The following TRIO variants were observed in gnomAD, a reference collection of about 807,000 sequenced individuals.
TRIO encodes the protein trio Rho guanine nucleotide exchange factor, also known as triple functional domain protein.
TRIO carries 58 observed loss-of-function variants against 351.9 expected under a neutral mutation model. The ratio of observed to expected loss-of-function variants is 0.16; its 90% confidence interval spans 0.13 to 0.21. The LOEUF (loss-of-function observed/expected upper bound fraction) is 0.21. TRIO is among the 10% of genes least tolerant of loss of function. The pLI, the probability that TRIO is intolerant of heterozygous loss-of-function variation, is 1.00. For synonymous variants in TRIO, 1,758 were observed against 1,595.7 expected, an observed-to-expected ratio of 1.10 and a Z score of -2.42; for missense variants, 3,201 against 4,027.8, an observed-to-expected ratio of 0.79 and a Z score of 5.56.
intron 16 of TRIO, 86 bp downstream of exon 16, chr5:14,367,065 G>A (rs1744663117): frequency 2.6e-6 from 4 of 1,558,824 alleles, no homozygotes; most frequent in African/African-American, 1.4e-5. Context: ...ACTGACCATG[G>A]GAACCACATG....
intron 8 of TRIO, among the ~76,000 whole-genome samples, chr5:14,306,501 G>A (rs1738381193): frequency 1.3e-5 from 2 of 152,304 alleles, no homozygotes; most frequent in South Asian, 2.1e-4. Flanking sequence ...AACACAGAAA[G>A]CAAATGACCC....
intron 1 of TRIO, among the ~76,000 whole-genome samples, chr5:14,223,157 C>T (rs377621505): frequency 1.3e-5 from 2 of 152,230 alleles, no homozygotes; most frequent in East Asian, 1.9e-4. Context: ...TGGGCAGTGG[C>T]AGAGAGTTAT....
At chr5:14,426,630 A>G (rs764280079) in intron 34 of TRIO, among the ~76,000 whole-genome samples, 1 of 152,246 alleles carries the variant, frequency 6.6e-6, no homozygotes, top group Non-Finnish European at 1.5e-5. Context: ...AACTGCAGAC[A>G]ACACAGGTGT....
chr5:14,223,203 T>C (rs1792760862), intron 1 of TRIO, among the ~76,000 whole-genome samples: 1 of 152,238 alleles, frequency 6.6e-6, no homozygotes, highest in African/African-American at 2.4e-5. Context: ...CTTCCAGATT[T>C]TAAATTCTAT....
chr5:14,254,205 A>T (rs1794903334), intron 1 of TRIO, among the ~76,000 whole-genome samples: 1 of 150,254 alleles, frequency 6.7e-6, no homozygotes, highest in Non-Finnish European at 1.5e-5. Flanking sequence ...CCCGCCTGAG[A>T]CGGAGTCTTG....
intron 8 of TRIO, among the ~76,000 whole-genome samples, chr5:14,309,979 G>T (rs918914791): frequency 1.1e-4 from 16 of 152,026 alleles, no homozygotes; most frequent in African/African-American, 3.9e-4. Flanking sequence ...CTTCCAAGAC[G>T]CAAGCACCTG....
intron 1 of TRIO, among the ~76,000 whole-genome samples, chr5:14,216,944 C>T (rs1471343826): frequency 5.9e-5 from 9 of 152,204 alleles, no homozygotes. Context: ...CAGAGCCAGG[C>T]TCTTAACTGC....
At chr5:14,278,571 T>C (rs2152275239) in intron 2 of TRIO, among the ~76,000 whole-genome samples, 1 of 152,374 alleles carries the variant, frequency 6.6e-6, no homozygotes, top group Non-Finnish European at 1.5e-5. Flanking sequence ...TTCAAGTTTC[T>C]GTAATATGTG....
chr5:14,329,583 A>T (rs1175765756), intron 9 of TRIO, among the ~76,000 whole-genome samples: 1 of 152,212 alleles, frequency 6.6e-6, no homozygotes, highest in East Asian at 1.9e-4. Flanking sequence ...TACTCAGTCT[A>T]AGGTGTTTTG....
intron 1 of TRIO, 73 bp downstream of exon 1, chr5:14,143,955 G>T: frequency 2.0e-6 from 2 of 999,970 alleles, no homozygotes; most frequent in South Asian, 4.6e-5. Flanking sequence ...CGGAGCTGCC[G>T]AGCTCCGGCC....
At chr5:14,146,545 G>T (rs1476790859) in intron 1 of TRIO, among the ~76,000 whole-genome samples, 1 of 152,214 alleles carries the variant, frequency 6.6e-6, no homozygotes, top group Non-Finnish European at 1.5e-5. Flanking sequence ...GAAAGAAAGA[G>T]AAGACTTTAA....
chr5:14,163,534 C>G (rs1788599221), intron 1 of TRIO, among the ~76,000 whole-genome samples: 1 of 152,142 alleles, frequency 6.6e-6, no homozygotes, highest in South Asian at 2.1e-4. Context: ...AAGGAGACTT[C>G]TTTGAAATTT....
At position 14,264,433 on chromosome 5, in the gene TRIO, A is replaced by G. The variant is rs551116253; in HGVS notation, c.158-6392A>G. On this transcript the variant is annotated intron_variant, in intron 1 of 56. Transcript: ENST00000344204. The stretch of plus-strand genomic sequence containing the variant: ...TAATGCTGTATTATGAAACCCGTCC[A>G]TATTCTTGTGTGGTCTTGTCTGTGA... 2.6e-5 allele frequency among the ~76,000 whole-genome samples: 4 copies of G among 152,288 alleles called. No individual in the cohort carries two copies. The East Asian group carries it at 5.8e-4, about 22-fold the overall frequency.
intron 20 of TRIO, among the ~76,000 whole-genome samples, chr5:14,380,311 T>G (rs1329386341): frequency 2.5e-5 from 3 of 118,642 alleles, no homozygotes; most frequent in East Asian, 2.0e-4. Context: ...GCGCCCCGCC[T>G]CCTCCTTCGC....
Position 14,343,463 on chromosome 5 carries a change from T to C in TRIO, c.2046+6736T>C, listed in dbSNP as rs568816691. On this transcript the variant is annotated intron_variant, in intron 11 of 56. Transcript: ENST00000344204. ...CCACTTATCTGTTCTTCTCTGCTTCTATTATTTTGTTATTTCTAAAATGTT... is the reference window on the plus strand; with the variant it reads ...CCACTTATCTGTTCTTCTCTGCTTCCATTATTTTGTTATTTCTAAAATGTT... Among the ~76,000 whole-genome samples, 61 of 152,362 alleles carry C rather than the reference T, an allele frequency of 4.0e-4. No individual in the cohort carries two copies. The South Asian group carries it at 0.011, about 29-fold the overall frequency.
intron 1 of TRIO, among the ~76,000 whole-genome samples, chr5:14,204,693 G>A (rs1014239862): frequency 6.6e-6 from 1 of 152,096 alleles, no homozygotes; most frequent in Non-Finnish European, 1.5e-5. Context: ...TTCAGATTTT[G>A]GGGAACAGAC....
chr5:14,398,909 G>T lies in TRIO; in HGVS notation c.4453G>T (p.Glu1485Ter). 1 of 1,614,098 alleles carries T rather than the reference G, an allele frequency of 6.2e-7. No individual in the cohort carries two copies. Among genetic ancestry groups the T allele is most frequent in the Non-Finnish European group, 8.5e-7 (1 of 1,179,998 alleles). Residue 1485 changes from glutamate (E) to a stop codon, truncating the protein, a stop_gained, in exon 30 of 57, where the codon GAA becomes TAA. Coordinates refer to ENST00000344204, the MANE Select transcript of TRIO (RefSeq NM_007118.4). LOFTEE classifies it high-confidence loss of function. ...TGATGAAAACATTGAGTCTCAGGGA[G>T]AACTCATCCTACAGGAATCCTTCCA... ...GFDENIESQGELILQESFQVW... is the reference protein window; with the variant it reads ...GFDENIESQG
At chr5:14,423,568 T>A (rs999519944) in intron 34 of TRIO, among the ~76,000 whole-genome samples, 3 of 152,118 alleles carry the variant, frequency 2.0e-5, no homozygotes, top group African/African-American at 7.2e-5. Context: ...ACCTTTTCCC[T>A]TTCTTCCCAA....
intron 27 of TRIO, among the ~76,000 whole-genome samples, chr5:14,392,772 C>T (rs1169407122): frequency 6.6e-6 from 1 of 152,188 alleles, no homozygotes; most frequent in African/African-American, 2.4e-5. Context: ...TTGGGCCGGG[C>T]ACAGCGGCTC....
Sources: allele counts gnomAD v4.1 joint callset (sites outside exome capture counted in the v4.1 genomes callset), GRCh38; gene constraint gnomAD v4.1.1; transcripts MANE v1.5; gene names NCBI Gene and HGNC (gene_info 2026-07-23, HGNC 2026-07-21).